MYT1L: variants seen among roughly 807,000 people sequenced by gnomAD.
MYT1L encodes myelin transcription factor 1 like, also known as myelin transcription factor 1-like protein.
Under a neutral mutation model 126.7 loss-of-function variants are expected in MYT1L, and 12 were observed. That is an observed-to-expected ratio of 0.09 (90% CI 0.06 to 0.15). The LOEUF (loss-of-function observed/expected upper bound fraction) is 0.15. MYT1L is among the 10% of genes least tolerant of loss of function. The pLI, the probability that MYT1L is intolerant of heterozygous loss-of-function variation, is 1.00. For missense variants in MYT1L, 979 were observed against 1,585.2 expected, an observed-to-expected ratio of 0.62 and a Z score of 6.49; for synonymous variants, 541 against 604.2, an observed-to-expected ratio of 0.90 and a Z score of 1.53.
At chr2:1,901,136 C>G (rs1192996920) in intron 14 of MYT1L, among the ~76,000 whole-genome samples, 1 of 152,174 alleles carries the variant, frequency 6.6e-6, no homozygotes, top group Admixed American at 6.5e-5. Flanking sequence ...TTCGGGTGCC[C>G]TAAAGGCACC....
chr2:2,055,155 A>G (rs777735201), intron 3 of MYT1L, among the ~76,000 whole-genome samples: 4 of 152,078 alleles, frequency 2.6e-5, no homozygotes, highest in Non-Finnish European at 4.4e-5. Flanking sequence ...GGAAAGAGTC[A>G]TTTTTATGAT....
chr2:2,091,238 A>T (rs1306051335), intron 3 of MYT1L, among the ~76,000 whole-genome samples: 1 of 152,178 alleles, frequency 6.6e-6, no homozygotes, highest in East Asian at 1.9e-4. Context: ...AATTGAAATT[A>T]CTCCTGATCC....
In MYT1L at chr2:2,031,773, C is replaced by T. The variant is rs559045419; in HGVS notation, c.-158+22205G>A. 2.1e-5 allele frequency among the ~76,000 whole-genome samples: 3 copies of T among 146,090 alleles called. No individual in the cohort carries two copies. The South Asian group carries it at 6.7e-4, about 33-fold the overall frequency. On this transcript the variant is annotated intron_variant, in intron 4 of 24. Coordinates refer to ENST00000647738, the MANE Select transcript of MYT1L (RefSeq NM_001303052.2). Reference sequence around the variant, plus strand: ...GATTCGAGAAGGAGGGCCTTATACACACCCCTCGCCAGTGCCTCTCATCCT... The same window carrying T: ...GATTCGAGAAGGAGGGCCTTATACATACCCCTCGCCAGTGCCTCTCATCCT...
chr2:1,867,977 C>CA (rs531787078), intron 18 of MYT1L, among the ~76,000 whole-genome samples: 1 of 149,292 alleles, frequency 6.7e-6, no homozygotes, highest in Non-Finnish European at 1.5e-5. Context: ...GCTTTTCTTT[C>CA]TTTTTTTTTT....
chr2:2,147,160 G>C (rs988386096), intron 3 of MYT1L, among the ~76,000 whole-genome samples: 1 of 152,188 alleles, frequency 6.6e-6, no homozygotes, highest in Non-Finnish European at 1.5e-5. Context: ...TTGGAGACTA[G>C]CACTCCATGA....
chr2:2,078,393 T>C (rs554461321), intron 3 of MYT1L, among the ~76,000 whole-genome samples: 2 of 152,234 alleles, frequency 1.3e-5, no homozygotes, highest in African/African-American at 4.8e-5. Flanking sequence ...AGGCAGAGAA[T>C]AGATTTGAAA....
At chr2:2,268,102 C>T (rs1325895877) in intron 2 of MYT1L, among the ~76,000 whole-genome samples, 1 of 152,174 alleles carries the variant, frequency 6.6e-6, no homozygotes, top group Non-Finnish European at 1.5e-5. Flanking sequence ...AAAACAAGGT[C>T]ATTTTCCAAT....
At chr2:1,928,571 G>T (rs2054530452) in intron 9 of MYT1L, among the ~76,000 whole-genome samples, 1 of 152,212 alleles carries the variant, frequency 6.6e-6, no homozygotes, top group Non-Finnish European at 1.5e-5. Flanking sequence ...ACACTAGTTA[G>T]CCAGACATGC....
chr2:2,211,819 A>AC (rs1559351199), intron 2 of MYT1L, among the ~76,000 whole-genome samples: 1 of 110,446 alleles, frequency 9.1e-6, no homozygotes, highest in Non-Finnish European at 2.0e-5. Context: ...AAAAAAAAAA[A>AC]AACCAAACAA....
intron 9 of MYT1L, among the ~76,000 whole-genome samples, chr2:1,937,687 T>C (rs576504856): frequency 6.9e-6 from 1 of 145,984 alleles, no homozygotes; most frequent in Non-Finnish European, 1.5e-5. Context: ...AAGGCCCTAA[T>C]GTCCACAGCC....
intron 2 of MYT1L, among the ~76,000 whole-genome samples, chr2:2,191,304 A>G (rs947569759): frequency 1.3e-4 from 20 of 152,230 alleles, no homozygotes; most frequent in African/African-American, 4.6e-4. Context: ...GCAGGAGAGG[A>G]TAACACTGGC....
chr2:2,133,846 C>T (rs1434537810), intron 3 of MYT1L, among the ~76,000 whole-genome samples: 1 of 152,124 alleles, frequency 6.6e-6, no homozygotes, highest in African/African-American at 2.4e-5. Context: ...CTTAGGGACA[C>T]ACCACATGCC....
chr2:2,167,424 C>A (rs944908447), intron 3 of MYT1L, among the ~76,000 whole-genome samples: 5 of 152,188 alleles, frequency 3.3e-5, no homozygotes, highest in Non-Finnish European at 5.9e-5. Flanking sequence ...AGACCCTGAA[C>A]AACTTCTCCT....
At chr2:1,934,210 G>C (rs368752852) in intron 9 of MYT1L, among the ~76,000 whole-genome samples, 1 of 150,826 alleles carries the variant, frequency 6.6e-6, no homozygotes, top group African/African-American at 2.4e-5. Context: ...TCCTGACCTC[G>C]TGATCCTCCC....
At chr2:2,253,671 G>C (rs1277278339) in intron 2 of MYT1L, among the ~76,000 whole-genome samples, 1 of 152,064 alleles carries the variant, frequency 6.6e-6, no homozygotes. Flanking sequence ...AGAGCAAGTG[G>C]GAAACAAGAA....
chr2:1,885,356 G>A (rs1329009099), intron 18 of MYT1L: 3 of 152,700 alleles, frequency 2.0e-5, no homozygotes, highest in Non-Finnish European at 4.4e-5. Flanking sequence ...AGACTTTACA[G>A]CCGTTAGGTA....
At chr2:2,003,284 T>C (rs946077844) in intron 4 of MYT1L, among the ~76,000 whole-genome samples, 17 of 152,236 alleles carry the variant, frequency 1.1e-4, no homozygotes, top group African/African-American at 4.1e-4. Context: ...CCACGTGACG[T>C]TTCACATAAA....
intron 2 of MYT1L, among the ~76,000 whole-genome samples, chr2:2,179,029 G>A (rs941814967): frequency 2.9e-5 from 4 of 139,142 alleles, no homozygotes; most frequent in Admixed American, 1.4e-4. Context: ...GCAGTAACTG[G>A]GTTCTGCCAT....
At chr2:2,263,420 A>G (rs73913298) in intron 2 of MYT1L, among the ~76,000 whole-genome samples, 2,454 of 152,238 alleles carry the variant, frequency 0.016, 63 homozygotes, top group African/African-American at 0.056. Flanking sequence ...AAACAATTCC[A>G]ATGCATAAAT....
Sources: gnomAD v4.1 joint callset for allele counts (sites outside exome capture counted in the v4.1 genomes callset) on GRCh38, gnomAD v4.1.1 for gene constraint, MANE v1.5 for transcripts, NCBI Gene and HGNC (gene_info 2026-07-23, HGNC 2026-07-21) for gene names.